Variants in XKR9 observed in about 807,000 individuals in gnomAD.
XKR9 encodes XK-related protein 9.
Under a neutral mutation model 32.0 loss-of-function variants are expected in XKR9, and 32 were observed. That is an observed-to-expected ratio of 1.00 (90% confidence interval 0.76 to 1.34). XKR9 has a LOEUF of 1.34. XKR9 is among the 40% of genes most tolerant of loss of function. The pLI is 0.00. For synonymous variants in XKR9, 168 were observed against 143.4 expected (o/e 1.17, Z -1.22); for missense variants, 546 against 429.7 (o/e 1.27, Z -2.39).
At chr8:70,669,623 TGTGTGTGTGTGTGTGTA>T (rs1379160872) in intron 1 of XKR9, 85 bp downstream of exon 1, 1 of 111,140 alleles carries the variant, frequency 9.0e-6, no homozygotes, top group South Asian at 2.1e-4. Flanking sequence ...TGTGTGTGTG[TGTGTGTGTGTGTGTGTA>T]GTAGTAGTAG....
the XKR9 span, among the ~76,000 whole-genome samples, chr8:70,855,806 G>T: frequency 6.6e-6 from 1 of 152,064 alleles, no homozygotes. Context: ...AGCCAGAAGA[G>T]AGTGGGGGCC....
At chr8:70,727,327 G>GTT (rs34535585) in intron 4 of XKR9, among the ~76,000 whole-genome samples, 67 of 143,138 alleles carry the variant, frequency 4.7e-4, no homozygotes, top group African/African-American at 1.5e-3. Context: ...AAGAAGACAA[G>GTT]TTTTTTTTTT....
the XKR9 span, among the ~76,000 whole-genome samples, chr8:70,939,600 A>G: frequency 6.6e-6 from 1 of 152,178 alleles, no homozygotes; most frequent in South Asian, 2.1e-4. Flanking sequence ...GACAATCTCT[A>G]TTTTATAGTT....
chr8:70,784,416 T>C (rs1807656513), intron 2 of XKR9, among the ~76,000 whole-genome samples: 1 of 152,102 alleles, frequency 6.6e-6, no homozygotes, highest in Non-Finnish European at 1.5e-5. Flanking sequence ...ACAGATTTTT[T>C]TTACCTCTTT....
At chr8:70,858,840 A>G in the XKR9 span, among the ~76,000 whole-genome samples, 1 of 152,106 alleles carries the variant, frequency 6.6e-6, no homozygotes, top group African/African-American at 2.4e-5. Context: ...ATTCCTCACC[A>G]TAACAAAAAT....
chr8:70,909,133 A>G, the XKR9 span, among the ~76,000 whole-genome samples: 5 of 152,276 alleles, frequency 3.3e-5, no homozygotes, highest in East Asian at 9.6e-4. Flanking sequence ...TCACTAATCA[A>G]TCTTCTACAC....
At chr8:70,777,470 C>T in intron 2 of XKR9, among the ~76,000 whole-genome samples, 1 of 152,004 alleles carries the variant, frequency 6.6e-6, no homozygotes, top group East Asian at 1.9e-4. Flanking sequence ...GGGTATATAC[C>T]CAGTAATGGG....
At chr8:70,749,354 C>G (rs534490689) in intron 2 of XKR9, among the ~76,000 whole-genome samples, 2 of 152,326 alleles carry the variant, frequency 1.3e-5, no homozygotes, top group Admixed American at 6.5e-5. Context: ...GAGTCTAGAC[C>G]TCAGGGCTCC....
chr8:70,811,233 T>G, the XKR9 span, among the ~76,000 whole-genome samples: 1 of 151,978 alleles, frequency 6.6e-6, no homozygotes, highest in Non-Finnish European at 1.5e-5. Context: ...AGATGTTCTT[T>G]GAAACCAATG....
chr8:70,680,273 C>G (rs748344540), intron 2 of XKR9, among the ~76,000 whole-genome samples: 3 of 152,082 alleles, frequency 2.0e-5, no homozygotes, highest in Non-Finnish European at 2.9e-5. Context: ...CTAGGCCTCT[C>G]AATTGTCATT....
the XKR9 span, among the ~76,000 whole-genome samples, chr8:71,053,694 G>A: frequency 6.6e-6 from 1 of 152,196 alleles, no homozygotes; most frequent in Non-Finnish European, 1.5e-5. Context: ...TCAAAGGACA[G>A]AGGTTATTCA....
intron 2 of XKR9, among the ~76,000 whole-genome samples, chr8:70,680,268 C>T (rs1819029317): frequency 1.3e-5 from 2 of 151,998 alleles, no homozygotes; most frequent in African/African-American, 4.8e-5. Flanking sequence ...TTGAACTAGG[C>T]CTCTCAATTG....
At chr8:70,854,254 G>C in the XKR9 span, among the ~76,000 whole-genome samples, 3 of 152,168 alleles carry the variant, frequency 2.0e-5, no homozygotes, top group African/African-American at 7.2e-5. Flanking sequence ...TTGTGGTTTT[G>C]ATTTGCATTT....
the XKR9 span, among the ~76,000 whole-genome samples, chr8:70,891,242 C>T: frequency 6.6e-6 from 1 of 151,322 alleles, no homozygotes; most frequent in Non-Finnish European, 1.5e-5. Flanking sequence ...TCAAAGAAAC[C>T]AACTTTTTGT....
the XKR9 span, among the ~76,000 whole-genome samples, chr8:70,975,384 T>G: frequency 1.3e-5 from 2 of 152,240 alleles, no homozygotes; most frequent in Admixed American, 1.3e-4. Flanking sequence ...GGTCTAACAT[T>G]TAAGTCTTTA....
chr8:70,849,162 G>A, the XKR9 span, among the ~76,000 whole-genome samples: 14 of 152,134 alleles, frequency 9.2e-5, no homozygotes, highest in Non-Finnish European at 1.9e-4. Flanking sequence ...GCACCACATC[G>A]CACTTATTCT....
downstream of XKR9, among the ~76,000 whole-genome samples, chr8:70,737,055 C>G (rs13256204): frequency 0.4 from 60,039 of 149,694 alleles, 13,698 homozygotes; most frequent in Non-Finnish European, 0.52. Context: ...AAATTACCTT[C>G]GGCAGTATGG....
At chr8:70,975,645 C>A in the XKR9 span, among the ~76,000 whole-genome samples, 156 of 152,128 alleles carry the variant, frequency 1.0e-3, no homozygotes, top group Admixed American at 2.0e-3. Flanking sequence ...ATTACTGTAG[C>A]CTTGTAGTAT....
At chr8:70,746,417 T>C (rs985264831) in intron 2 of XKR9, among the ~76,000 whole-genome samples, 16 of 147,456 alleles carry the variant, frequency 1.1e-4, no homozygotes, top group Non-Finnish European at 1.9e-4. Context: ...GTAAAATATA[T>C]TGTATATATG....
Sources: gnomAD v4.1 joint callset for allele counts (sites outside exome capture counted in the v4.1 genomes callset) on GRCh38, gnomAD v4.1.1 for gene constraint, MANE v1.5 for transcripts, NCBI Gene and HGNC (gene_info 2026-07-23, HGNC 2026-07-21) for gene names.